PARD3: variants seen among roughly 807,000 people sequenced by gnomAD.
PARD3 encodes partitioning defective 3 homolog.
A neutral mutation model predicts 155.4 loss-of-function variants in PARD3; 75 were observed. The ratio of observed to expected loss-of-function variants is 0.48; its 90% CI spans 0.40 to 0.58. The LOEUF is 0.58. PARD3 is among the 20% of genes least tolerant of loss of function. PARD3 has a pLI of 0.00. For synonymous variants in PARD3, 576 were observed against 610.5 expected, an observed-to-expected ratio of 0.94 and a Z score of 0.83; for missense variants, 1,642 against 1,721.7, an observed-to-expected ratio of 0.95 and a Z score of 0.82.
chr10:34,315,694 A>G (rs1401691118), intron 20 of PARD3, among the ~76,000 whole-genome samples: 1 of 152,232 alleles, frequency 6.6e-6, no homozygotes, highest in African/African-American at 2.4e-5. Context: ...TGGCTAACAC[A>G]GAAATTGAAA....
At chr10:34,725,437 G>C (rs913625222) in intron 1 of PARD3, among the ~76,000 whole-genome samples, 2 of 152,098 alleles carry the variant, frequency 1.3e-5, no homozygotes, top group Admixed American at 6.6e-5. Context: ...TTCCAGGTGT[G>C]AGCCACCACG....
Position 34,606,003 on chromosome 10 carries a change from A to C in PARD3, c.223-88844T>G, listed in dbSNP as rs867596378. Reference sequence around the variant, plus strand: ...TCCTATATATATATATCTCCTATATATATATATCTCCTATATCTATATCTC... The same window carrying C: ...TCCTATATATATATATCTCCTATATCTATATATCTCCTATATCTATATCTC... On this transcript the variant is annotated intron_variant, in intron 2 of 24. Transcript: ENST00000374788. Among the ~76,000 whole-genome samples, 13 of 65,166 alleles carry C rather than the reference A, an allele frequency of 2.0e-4. 3 individuals carry two copies. The highest frequency in any genetic ancestry group is 5.6e-4 in the Admixed American group (3 of 5,364). The allele number at this position is 65,166 out of a possible 152,430, so 42.8% of individuals were successfully genotyped here.
intron 5 of PARD3, among the ~76,000 whole-genome samples, chr10:34,418,117 T>C (rs1360934250): frequency 2.6e-5 from 4 of 152,160 alleles, no homozygotes; most frequent in Admixed American, 2.6e-4. Context: ...TAAGTGTCTA[T>C]CATTTAACTT....
intron 2 of PARD3, among the ~76,000 whole-genome samples, chr10:34,666,404 A>C (rs1250974341): frequency 6.6e-6 from 1 of 152,118 alleles, no homozygotes; most frequent in Non-Finnish European, 1.5e-5. Context: ...ATGTCTGAGA[A>C]TCTCAAGTTC....
At chr10:34,407,962 A>G (rs1004051484) in intron 5 of PARD3, among the ~76,000 whole-genome samples, 1 of 152,218 alleles carries the variant, frequency 6.6e-6, no homozygotes, top group East Asian at 1.9e-4. Flanking sequence ...ACAGGAACAC[A>G]AATGTTTACA....
At chr10:34,129,746 C>A (rs374070308) in intron 23 of PARD3, among the ~76,000 whole-genome samples, 32 of 141,244 alleles carry the variant, frequency 2.3e-4, no homozygotes, top group African/African-American at 8.1e-4. Context: ...CAGTCCCAAC[C>A]TCCCAGGTTC....
At chr10:34,343,545 C>G in intron 15 of PARD3, 1 of 985,254 alleles carries the variant, frequency 1.0e-6, no homozygotes, top group East Asian at 1.1e-4. Flanking sequence ...AGTATTTCCA[C>G]AAGATTTGAA....
chr10:34,648,616 C>T (rs1277887370), intron 2 of PARD3, among the ~76,000 whole-genome samples: 1 of 152,158 alleles, frequency 6.6e-6, no homozygotes, highest in Non-Finnish European at 1.5e-5. Context: ...CACACAGTTC[C>T]GCTAACACCG....
At chr10:34,662,608 C>T (rs2093351237) in intron 2 of PARD3, among the ~76,000 whole-genome samples, 3 of 152,158 alleles carry the variant, frequency 2.0e-5, no homozygotes, top group South Asian at 4.1e-4. Flanking sequence ...TGCGATGGCT[C>T]GCACCTGTAA....
intron 20 of PARD3, chr10:34,312,235 A>G: frequency 6.4e-7 from 1 of 1,569,822 alleles, no homozygotes; most frequent in Non-Finnish European, 8.7e-7. Context: ...GATGTCGTAA[A>G]CAAAATTCGT....
At chr10:34,172,510 TG>T (rs1170686241) in intron 22 of PARD3, among the ~76,000 whole-genome samples, 1 of 151,982 alleles carries the variant, frequency 6.6e-6, no homozygotes, top group African/African-American at 2.4e-5. Context: ...AATGTGCACG[TG>T]TGTTATTTAG....
chr10:34,278,651 G>A (rs1456726875), intron 21 of PARD3, among the ~76,000 whole-genome samples: 1 of 152,112 alleles, frequency 6.6e-6, no homozygotes, highest in Non-Finnish European at 1.5e-5. Flanking sequence ...CTCCCGCCAC[G>A]TGAAGAAGGA....
intron 21 of PARD3, among the ~76,000 whole-genome samples, chr10:34,273,496 G>T (rs912112473): frequency 6.6e-6 from 1 of 152,294 alleles, no homozygotes; most frequent in African/African-American, 2.4e-5. Flanking sequence ...TACAGAGGAA[G>T]ACCTCTGTGA....
intron 2 of PARD3, among the ~76,000 whole-genome samples, chr10:34,692,298 A>T (rs2094080411): frequency 1.3e-5 from 2 of 152,258 alleles, no homozygotes; most frequent in African/African-American, 4.8e-5. Context: ...AAACTATAAA[A>T]ACCCTGGAAG....
At chr10:34,385,320 G>C (rs751930946) in intron 7 of PARD3, among the ~76,000 whole-genome samples, 16 of 151,978 alleles carry the variant, frequency 1.1e-4, no homozygotes, top group Non-Finnish European at 1.8e-4. Flanking sequence ...ATTTTTAGTA[G>C]AGCTGGGGTT....
chr10:34,195,021 C>A (rs926884612), intron 22 of PARD3, among the ~76,000 whole-genome samples: 12 of 152,108 alleles, frequency 7.9e-5, no homozygotes, highest in African/African-American at 2.4e-4. Flanking sequence ...TCAAGATATA[C>A]CAACGTAATT....
intron 5 of PARD3, among the ~76,000 whole-genome samples, chr10:34,447,876 A>G (rs2076836840): frequency 6.6e-6 from 1 of 152,200 alleles, no homozygotes; most frequent in Admixed American, 6.5e-5. Flanking sequence ...ACCCTGGTAT[A>G]CTGCTGGTGG....
chr10:34,684,020 A>G (rs548163320), intron 2 of PARD3, among the ~76,000 whole-genome samples: 4 of 152,382 alleles, frequency 2.6e-5, no homozygotes, highest in South Asian at 4.1e-4. Flanking sequence ...GAATAAAGTC[A>G]TCTAGTTAAT....
chr10:34,479,803 C>G (rs190424145), intron 3 of PARD3, among the ~76,000 whole-genome samples: 119 of 152,260 alleles, frequency 7.8e-4, no homozygotes, highest in African/African-American at 2.6e-3. Flanking sequence ...TCCAACCCAT[C>G]AGATCTAGTA....
Sources: gnomAD v4.1 joint callset for allele counts (sites outside exome capture counted in the v4.1 genomes callset) on GRCh38, gnomAD v4.1.1 for gene constraint, MANE v1.5 for transcripts, NCBI Gene and HGNC (gene_info 2026-07-23, HGNC 2026-07-21) for gene names.